Variants in UGCG observed in about 807,000 individuals in gnomAD.
UGCG encodes the protein ceramide glucosyltransferase.
UGCG carries 10 observed loss-of-function variants against 49.5 expected under a neutral mutation model. The ratio of observed to expected loss-of-function variants is 0.20; its 90% CI spans 0.12 to 0.34. UGCG has a LOEUF of 0.34. UGCG is among the 10% of genes least tolerant of loss of function. The pLI, the probability that UGCG is intolerant of heterozygous loss-of-function variation, is 1.00. For missense variants in UGCG, 312 were observed against 483.7 expected (o/e 0.65, Z 3.33); for synonymous variants, 182 against 158.2 (o/e 1.15, Z -1.13).
chr9:111,912,533 G>T (rs1228874544), intron 1 of UGCG, among the ~76,000 whole-genome samples: 1 of 151,384 alleles, frequency 6.6e-6, no homozygotes, highest in Non-Finnish European at 1.5e-5. Flanking sequence ...AGCTGAGATC[G>T]CACCACTGCA....
At chr9:111,921,802 A>ATGTTTTTTTTTTTTTTTTTTT (rs1838226065) in intron 2 of UGCG, among the ~76,000 whole-genome samples, 1 of 55,536 alleles carries the variant, frequency 1.8e-5, no homozygotes, top group Non-Finnish European at 3.2e-5. Flanking sequence ...CCCCAGGGTG[A>ATGTTTTTTTTTTTTTTTTTTT]TTTTTTTTTT....
chr9:111,929,105 G>T (rs1020245233), intron 5 of UGCG: 1 of 150,538 alleles, frequency 6.6e-6, no homozygotes, highest in African/African-American at 2.5e-5. Context: ...CCTATGGGTG[G>T]TGTGTGTATG....
intron 2 of UGCG, chr9:111,915,131 C>T (rs1233227060): frequency 6.1e-6 from 1 of 164,434 alleles, no homozygotes; most frequent in Non-Finnish European, 1.3e-5. Flanking sequence ...GCAGTACAGC[C>T]AGAACTAAAC....
At position 111,930,097 on chromosome 9, in the gene UGCG, T is replaced by C. The variant is rs144608701; in HGVS notation, c.737+419T>C. 4.3e-3 allele frequency among the ~76,000 whole-genome samples: 662 copies of C among 152,206 alleles called. 9 individuals carry two copies. The highest frequency in any genetic ancestry group is 0.04 in the East Asian group (206 of 5,182). On this transcript the variant is annotated intron_variant, in intron 6 of 8. Transcript: ENST00000374279. ...CCTCCTAAAGTGCTGGGATTACAGG[T>C]ATGAGCCACCACACCCAGCAGATCA...
At chr9:111,913,719 G>A (rs1440295187) in intron 1 of UGCG, among the ~76,000 whole-genome samples, 1 of 151,704 alleles carries the variant, frequency 6.6e-6, no homozygotes, top group Non-Finnish European at 1.5e-5. Flanking sequence ...GGATTACACA[G>A]GTGTGAGCCA....
intron 1 of UGCG, among the ~76,000 whole-genome samples, chr9:111,911,915 T>G (rs1383332729): frequency 2.6e-4 from 2 of 7,558 alleles, no homozygotes; most frequent in African/African-American, 9.1e-4. Flanking sequence ...GATATATATA[T>G]ATATATATAT....
At chr9:111,921,802 ATTTT>A (rs71373800) in intron 2 of UGCG, among the ~76,000 whole-genome samples, 1,702 of 55,480 alleles carry the variant, frequency 0.031, 33 homozygotes, top group South Asian at 0.043. Context: ...CCCCAGGGTG[ATTTT>A]TTTTTTTTTT....
chr9:111,906,344 C>T (rs931854192), intron 1 of UGCG, among the ~76,000 whole-genome samples: 1 of 152,192 alleles, frequency 6.6e-6, no homozygotes, highest in African/African-American at 2.4e-5. Context: ...ATACCATCAT[C>T]AGTTATTGGC....
At chr9:111,928,846 T>A (rs1199618289) in intron 5 of UGCG, among the ~76,000 whole-genome samples, 1 of 152,186 alleles carries the variant, frequency 6.6e-6, no homozygotes, top group Non-Finnish European at 1.5e-5. Context: ...CATTGATTTA[T>A]CAGCGTATAT....
intron 3 of UGCG, among the ~76,000 whole-genome samples, 166 bp downstream of exon 3, chr9:111,923,117 GT>G (rs903270297): frequency 3.7e-4 from 54 of 146,360 alleles, no homozygotes; most frequent in Admixed American, 1.2e-3. Flanking sequence ...AAAAACAAAG[GT>G]TTTTTTTTTT....
At chr9:111,909,764 A>T (rs1837962055) in intron 1 of UGCG, among the ~76,000 whole-genome samples, 1 of 152,190 alleles carries the variant, frequency 6.6e-6, no homozygotes, top group South Asian at 2.1e-4. Flanking sequence ...GTTTTGACAA[A>T]CATTTCAAGT....
intron 2 of UGCG, among the ~76,000 whole-genome samples, chr9:111,921,828 T>TTTTTTTTTTGG (rs1838227949): frequency 7.4e-6 from 1 of 134,298 alleles, no homozygotes; most frequent in African/African-American, 2.9e-5. Context: ...TTTTTTTTTT[T>TTTTTTTTTTGG]GAGGCAGGGT....
At chr9:111,918,879 C>G (rs369804788) in intron 2 of UGCG, among the ~76,000 whole-genome samples, 2 of 149,920 alleles carry the variant, frequency 1.3e-5, no homozygotes, top group African/African-American at 2.5e-5. Context: ...GAGCGGAGAT[C>G]GCGCCACAGC....
intron 1 of UGCG, among the ~76,000 whole-genome samples, chr9:111,900,500 ATTCT>A (rs1300011392): frequency 7.1e-6 from 1 of 140,858 alleles, no homozygotes; most frequent in African/African-American, 2.8e-5. Flanking sequence ...GTGTGTGTGT[ATTCT>A]TTCTTTGATA....
chr9:111,904,846 G>A (rs774934283), intron 1 of UGCG, among the ~76,000 whole-genome samples: 6 of 152,126 alleles, frequency 3.9e-5, no homozygotes, highest in Non-Finnish European at 4.4e-5. Flanking sequence ...TGGGCAACAA[G>A]AGCAAAACTT....
chr9:111,926,305 ATATATTT>A (rs1365670957), intron 4 of UGCG, 72 bp from the exon 5 acceptor site: 3 of 812,592 alleles, frequency 3.7e-6, no homozygotes, highest in Admixed American at 2.5e-5. Flanking sequence ...AATTCACAAA[ATATATTT>A]TATATTAATG....
intron 2 of UGCG, among the ~76,000 whole-genome samples, chr9:111,921,279 G>GA (rs1368715419): frequency 1.3e-5 from 2 of 151,710 alleles, no homozygotes; most frequent in South Asian, 2.1e-4. Context: ...CACTTCTGGG[G>GA]AAAAAAATCA....
At chr9:111,932,099 G>T (rs1838436892) in intron 7 of UGCG, 71 bp from the exon 8 acceptor site, 1 of 1,475,690 alleles carries the variant, frequency 6.8e-7, no homozygotes, top group Non-Finnish European at 9.2e-7. Flanking sequence ...TTGATTATTT[G>T]AGGGAAAAAA....
intron 5 of UGCG, among the ~76,000 whole-genome samples, chr9:111,926,746 AAC>A: frequency 6.6e-6 from 1 of 152,124 alleles, no homozygotes; most frequent in South Asian, 2.1e-4. Context: ...TTGCCAGCTG[AAC>A]ACAGTCTAAC....
Sources: allele counts gnomAD v4.1 joint callset (sites outside exome capture counted in the v4.1 genomes callset), GRCh38; gene constraint gnomAD v4.1.1; transcripts MANE v1.5; gene names NCBI Gene and HGNC (gene_info 2026-07-23, HGNC 2026-07-21).